B3GAT2: variants seen among roughly 807,000 people sequenced by gnomAD.
The protein encoded by B3GAT2 is beta-1,3-glucuronyltransferase 2.
B3GAT2 carries 26 observed loss-of-function variants against 27.8 expected under a neutral mutation model. That is an observed-to-expected ratio of 0.93 (90% CI 0.68 to 1.30). B3GAT2 has a LOEUF of 1.30. Ranked by LOEUF, B3GAT2 falls within the 50% of genes most tolerant of loss-of-function variation. The pLI is 0.00. For synonymous variants in B3GAT2, 218 were observed against 195.1 expected, an observed-to-expected ratio of 1.12 and a Z score of -0.98; for missense variants, 458 against 459.0, an observed-to-expected ratio of 1.00 and a Z score of 0.02.
At chr6:70,908,881 A>C (rs915724625) in intron 1 of B3GAT2, among the ~76,000 whole-genome samples, 1 of 152,218 alleles carries the variant, frequency 6.6e-6, no homozygotes, top group Non-Finnish European at 1.5e-5. Context: ...GCTGGATAAA[A>C]GTAAAATGGA....
At chr6:70,909,832 G>A (rs1772661155) in intron 1 of B3GAT2, among the ~76,000 whole-genome samples, 1 of 152,044 alleles carries the variant, frequency 6.6e-6, no homozygotes, top group South Asian at 2.1e-4. Flanking sequence ...GTGACTTTAA[G>A]CACCATGGGC....
At chr6:70,889,938 C>T (rs577786310) in intron 2 of B3GAT2, among the ~76,000 whole-genome samples, 144 of 152,090 alleles carry the variant, frequency 9.5e-4, no homozygotes, top group Non-Finnish European at 1.8e-3. Flanking sequence ...TTTGCCACCA[C>T]GCCCAGCTAA....
At chr6:70,941,495 C>T (rs1228008053) in intron 1 of B3GAT2, among the ~76,000 whole-genome samples, 1 of 152,128 alleles carries the variant, frequency 6.6e-6, no homozygotes, top group Non-Finnish European at 1.5e-5. Context: ...AGGCCAAATA[C>T]TCAACTGACT....
Position 70,858,354 on chromosome 6 carries a change from A to C in B3GAT2, c.*3309T>G, listed in dbSNP as rs1771534980. The C allele has an allele frequency of 2.4e-6, 2 of 820,072 alleles. No homozygotes were observed. The highest frequency in any genetic ancestry group is 3.6e-6 in the Non-Finnish European group (2 of 561,752). 50.8% of individuals were successfully genotyped at this position (820,072 alleles called of 1,614,324 possible). ...TGGCAGAAAGAATTCAATAGGGATAATATGTTATAGGGTCAAAAGTATCTA... is the reference window on the plus strand; with the variant it reads ...TGGCAGAAAGAATTCAATAGGGATACTATGTTATAGGGTCAAAAGTATCTA... On this transcript the variant is annotated 3_prime_UTR_variant, in exon 4 of 4. Transcript: ENST00000230053.
intron 2 of B3GAT2, among the ~76,000 whole-genome samples, chr6:70,867,055 T>C (rs1771862937): frequency 6.6e-6 from 1 of 151,940 alleles, no homozygotes; most frequent in African/African-American, 2.4e-5. Context: ...CTAAACAATA[T>C]AATTCTAAGC....
rs528995270 is a variant in B3GAT2, at chr6:70,895,188, C to A, written c.592-916G>T. The stretch of plus-strand genomic sequence containing the variant: ...CCCTCACAGCTGGGTGTGCCTTGGA[C>A]GAGGTATAACCTGCACAACTGCATG... On this transcript the variant is annotated intron_variant, in intron 1 of 3. Coordinates refer to ENST00000230053, the MANE Select transcript of B3GAT2 (RefSeq NM_080742.3). Among the ~76,000 whole-genome samples the A allele has an allele frequency of 4.6e-5, 7 of 152,102 alleles. 1 individual carries two copies. In the South Asian group the frequency reaches 8.3e-4, roughly 18 times the overall value.
intron 1 of B3GAT2, among the ~76,000 whole-genome samples, chr6:70,897,846 A>C (rs2150033277): frequency 6.6e-6 from 1 of 152,198 alleles, no homozygotes; most frequent in African/African-American, 2.4e-5. Context: ...ATGGATAACT[A>C]ATTGTTCCAA....
chr6:70,858,052 A>G lies in B3GAT2; in HGVS notation c.*3611T>C. The stretch of plus-strand genomic sequence containing the variant: ...TAGGAAATGTGATGGGACAGAGTCC[A>G]AGCATGATGGTGGGCATGCCCATGC... On this transcript the variant is annotated 3_prime_UTR_variant, in exon 4 of 4. Coordinates refer to ENST00000230053, the MANE Select transcript of B3GAT2 (RefSeq NM_080742.3). 1.9e-6 allele frequency: 3 copies of G among 1,614,090 alleles called. No individual in the cohort carries two copies. The highest frequency in any genetic ancestry group is 1.7e-4 in the Middle Eastern group (1 of 6,060).
chr6:70,949,042 C>T (rs1443855308), intron 1 of B3GAT2, among the ~76,000 whole-genome samples: 2 of 152,070 alleles, frequency 1.3e-5, no homozygotes, highest in Non-Finnish European at 2.9e-5. Flanking sequence ...TTCCTTACAC[C>T]TTATACAAAA....
intron 2 of B3GAT2, among the ~76,000 whole-genome samples, chr6:70,887,704 C>T (rs1203035165): frequency 6.6e-6 from 1 of 152,174 alleles, no homozygotes; most frequent in African/African-American, 2.4e-5. Flanking sequence ...GAGAGAACAG[C>T]ACATTATAAC....
intron 1 of B3GAT2, among the ~76,000 whole-genome samples, chr6:70,948,844 A>G (rs900497758): frequency 6.6e-6 from 1 of 152,244 alleles, no homozygotes; most frequent in African/African-American, 2.4e-5. Flanking sequence ...CTACAAGGCT[A>G]CAGTTACCAA....
chr6:70,897,219 C>T (rs1168549253), intron 1 of B3GAT2, among the ~76,000 whole-genome samples: 9 of 149,532 alleles, frequency 6.0e-5, no homozygotes, highest in African/African-American at 9.8e-5. Flanking sequence ...TCAAATCTTT[C>T]GCACATTCAA....
intron 2 of B3GAT2, among the ~76,000 whole-genome samples, chr6:70,872,834 T>A (rs1409797510): frequency 6.6e-6 from 1 of 151,992 alleles, no homozygotes; most frequent in Non-Finnish European, 1.5e-5. Flanking sequence ...TCTCTTGTCA[T>A]TTATCATTTG....
At chr6:70,880,806 C>T (rs1772089016) in intron 2 of B3GAT2, among the ~76,000 whole-genome samples, 1 of 151,962 alleles carries the variant, frequency 6.6e-6, no homozygotes, top group South Asian at 2.1e-4. Flanking sequence ...ACTGGGATCA[C>T]AGGCGTGCAC....
At chr6:70,954,919 G>GGC (rs1554218605) in intron 1 of B3GAT2, among the ~76,000 whole-genome samples, 1 of 151,648 alleles carries the variant, frequency 6.6e-6, no homozygotes, top group Admixed American at 6.6e-5. Flanking sequence ...GGGCGGCGGG[G>GGC]GGGGGCGGTG....
At chr6:70,937,340 C>G (rs1173909298) in intron 1 of B3GAT2, among the ~76,000 whole-genome samples, 1 of 150,862 alleles carries the variant, frequency 6.6e-6, no homozygotes, top group Non-Finnish European at 1.5e-5. Context: ...GGAACTGGTA[C>G]CATTCCTTCT....
At chr6:70,889,745 C>A (rs1772254564) in intron 2 of B3GAT2, among the ~76,000 whole-genome samples, 1 of 151,906 alleles carries the variant, frequency 6.6e-6, no homozygotes, top group African/African-American at 2.4e-5. Context: ...CCAAGCCTTT[C>A]CCAGATCAAA....
intron 2 of B3GAT2, among the ~76,000 whole-genome samples, chr6:70,888,090 A>G (rs762465391): frequency 3.3e-5 from 5 of 152,136 alleles, no homozygotes; most frequent in Non-Finnish European, 7.4e-5. Flanking sequence ...TGGACACGGG[A>G]GAGGGCAGGT....
At chr6:70,922,009 G>T (rs1772878616) in intron 1 of B3GAT2, among the ~76,000 whole-genome samples, 1 of 152,144 alleles carries the variant, frequency 6.6e-6, no homozygotes, top group Admixed American at 6.5e-5. Context: ...ACAGTACTCT[G>T]ATGGGGGTGC....
Sources: allele counts gnomAD v4.1 joint callset (sites outside exome capture counted in the v4.1 genomes callset), GRCh38; gene constraint gnomAD v4.1.1; transcripts MANE v1.5; gene names NCBI Gene and HGNC (gene_info 2026-07-23, HGNC 2026-07-21).